The following GABRR1 variants were observed in gnomAD, a reference collection of about 807,000 sequenced individuals.
GABRR1 encodes gamma-aminobutyric acid type A receptor subunit rho1, also known as gamma-aminobutyric acid receptor subunit rho-1.
In GABRR1, 59 loss-of-function variants were observed where a neutral mutation model predicts 55.5. That is an observed-to-expected ratio of 1.06 (90% confidence interval 0.86 to 1.32). The LOEUF (loss-of-function observed/expected upper bound fraction) is 1.32, where lower values mean the gene tolerates loss of function less well. GABRR1 is among the 40% of genes most tolerant of loss of function. GABRR1 has a pLI of 0.00. For synonymous variants in GABRR1, 213 were observed against 226.0 expected (o/e 0.94, Z 0.51); for missense variants, 602 against 619.1 (o/e 0.97, Z 0.29).
intron 6 of GABRR1, among the ~76,000 whole-genome samples, chr6:89,187,337 A>G (rs1193489465): frequency 6.6e-6 from 1 of 152,166 alleles, no homozygotes. Flanking sequence ...GATGCATGAT[A>G]AATATAATTA....
In GABRR1 at chr6:89,217,243, T is replaced by C. The variant is rs1186902; in HGVS notation, c.80A>G (p.His27Arg). The C allele has an allele frequency of 0.26, 416,112 of 1,613,658 alleles. 55,646 individuals carry two copies. The highest frequency in any genetic ancestry group is 0.36 in the Admixed American group (21,524 of 59,980). ...CTCGTGGACTTCTCTTCCGGGCCAGTGCATTCTGCTTTCAGTGGCCAAAAC... is the reference window on the plus strand; with the variant it reads ...CTCGTGGACTTCTCTTCCGGGCCAGCGCATTCTGCTTTCAGTGGCCAAAAC... ...GWVLATESRM[H>R]WPGREVHEMS... Residue 27 changes from histidine to arginine, a missense_variant, in exon 1 of 10, where the codon CAC (histidine) becomes CGC (arginine). Coordinates refer to ENST00000454853, the MANE Select transcript of GABRR1 (RefSeq NM_002042.5).
intron 6 of GABRR1, among the ~76,000 whole-genome samples, chr6:89,188,231 C>T (rs1009763272): frequency 3.3e-5 from 5 of 152,034 alleles, no homozygotes; most frequent in Non-Finnish European, 5.9e-5. Flanking sequence ...GCTATGTTGC[C>T]CAGACTGGTC....
intron 1 of GABRR1, among the ~76,000 whole-genome samples, chr6:89,215,685 C>CA (rs1406610431): frequency 4.6e-5 from 7 of 151,916 alleles, no homozygotes; most frequent in Non-Finnish European, 5.9e-5. Context: ...GTTCTCACCA[C>CA]AAAAAAACAG....
At chr6:89,215,509 T>C (rs912130659) in intron 1 of GABRR1, among the ~76,000 whole-genome samples, 1 of 152,136 alleles carries the variant, frequency 6.6e-6, no homozygotes, top group African/African-American at 2.4e-5. Context: ...GACAGCAGAA[T>C]GATGGTTACC....
At position 89,212,165 on chromosome 6, in the gene GABRR1, ACAATCCAAAGAC is replaced by A; in HGVS notation, c.122+5024_122+5035del. The A allele has an allele frequency of 4.6e-6, 3 of 652,510 alleles. 1 individual carries two copies. The highest frequency in any genetic ancestry group is 5.5e-6 in the Non-Finnish European group (3 of 547,120). The allele number at this position is 652,510 out of a possible 1,614,324, so 40.4% of individuals were successfully genotyped here. A position where few individuals can be genotyped will look rare whatever the true frequency, so the allele number is the denominator to read the frequency against. ...CTGGCATCACCATCTACTCAGTCGT[ACAATCCAAAGAC>A]CTGCCGAACATTCACCCTAAACTTC... On this transcript the variant is annotated intron_variant, in intron 1 of 9. Coordinates refer to ENST00000454853, the MANE Select transcript of GABRR1 (RefSeq NM_002042.5).
intron 1 of GABRR1, among the ~76,000 whole-genome samples, chr6:89,211,242 G>A (rs1203646045): frequency 6.6e-6 from 1 of 152,172 alleles, no homozygotes; most frequent in African/African-American, 2.4e-5. Flanking sequence ...CAGAGATCCA[G>A]TCCATAATCC....
rs549063825 is a variant in GABRR1, at chr6:89,178,934, G to T, written c.1276C>A (p.Gln426Lys). Residue 426 changes from glutamine (Q) to lysine (K), a missense_variant, in exon 10 of 10, where the codon CAG (glutamine) becomes AAG (lysine). Coordinates refer to ENST00000454853, the MANE Select transcript of GABRR1 (RefSeq NM_002042.5). ...CTCCTCTCTGAGGCCAGGGTCAGCTGCACCATCATCCTGTCGGGCTTCTCT... is the reference window on the plus strand; with the variant it reads ...CTCCTCTCTGAGGCCAGGGTCAGCTTCACCATCATCCTGTCGGGCTTCTCT... ...NGEKPDRMMV[Q>K]LTLASERSSP... The T allele has an allele frequency of 3.1e-6, 5 of 1,614,180 alleles. No homozygotes were observed. The highest frequency in any genetic ancestry group is 4.2e-6 in the Non-Finnish European group (5 of 1,180,014).
chr6:89,210,498 G>A (rs968329308), intron 1 of GABRR1, among the ~76,000 whole-genome samples: 3 of 152,022 alleles, frequency 2.0e-5, no homozygotes, highest in Non-Finnish European at 4.4e-5. Flanking sequence ...CCAGTCTTCT[G>A]CAAAATTTTT....
At chr6:89,182,534 C>T (rs1023489450) in intron 7 of GABRR1, among the ~76,000 whole-genome samples, 1 of 152,158 alleles carries the variant, frequency 6.6e-6, no homozygotes, top group African/African-American at 2.4e-5. Context: ...AAGTGATCCA[C>T]CCACTTCAGC....
chr6:89,185,381 C>T lies in GABRR1; in HGVS notation c.725G>A (p.Arg242Gln), dbSNP rs370866905. 136 of 1,613,628 alleles carry T rather than the reference C, an allele frequency of 8.4e-5. No individual in the cohort carries two copies. Among genetic ancestry groups the T allele is most frequent in the Non-Finnish European group, 1.0e-4 (121 of 1,179,758 alleles). The change falls in exon 7 of 10, where the codon CGG becomes CAG. Residue 242 changes from arginine (R) to glutamine (Q), a missense_variant. Arg to Gln is a conservative substitution (Grantham distance 43, BLOSUM62 1). Transcript: ENST00000454853. ...AATGAGGAACTGGGAGAGTGAGATC[C>T]GTTCATCTGTCTTTAAGGAGTCATT... ...KGNDSLKTDERISLSQFLIQE... is the reference protein window; with the variant it reads ...KGNDSLKTDEQISLSQFLIQE...
In GABRR1 at chr6:89,180,409, G is replaced by C; in HGVS notation, c.1029C>G (p.Ala343=). The C allele has an allele frequency of 4.3e-6, 7 of 1,613,922 alleles. No individual in the cohort carries two copies. The highest frequency in any genetic ancestry group is 5.9e-6 in the Non-Finnish European group (7 of 1,179,876). The change falls in exon 9 of 10, where the codon GCC becomes GCG. Residue 343 remains alanine (A), a synonymous_variant. Transcript: ENST00000454853. ...AGCTGACCCAGAGGTAGATGTCCAC[G>C]GCCTTGATGTAGGAGACGCGCGGCA... ...ASMPRVSYIK[A]VDIYLWVSFV... is the part of the protein sequence containing the mutation.
intron 6 of GABRR1, among the ~76,000 whole-genome samples, chr6:89,187,440 G>A (rs993899336): frequency 3.9e-5 from 6 of 152,126 alleles, no homozygotes; most frequent in Admixed American, 1.3e-4. Context: ...TTCGTGGGTT[G>A]CATTTACTCT....
intron 1 of GABRR1, among the ~76,000 whole-genome samples, chr6:89,211,219 C>T (rs924501910): frequency 2.0e-4 from 30 of 152,094 alleles, no homozygotes; most frequent in Admixed American, 6.5e-5. Context: ...AATTTCAAGG[C>T]GTTGAGGGTG....
At chr6:89,230,579 G>C (rs893464400) in intron 1 of GABRR1, among the ~76,000 whole-genome samples, 11 of 152,186 alleles carry the variant, frequency 7.2e-5, no homozygotes, top group Non-Finnish European at 1.6e-4. Context: ...CTGCTCGGGG[G>C]TCAGGGGTCA....
rs753894820 is a variant in GABRR1 at position 89,178,892 on chromosome 6, T to G, written c.1318A>C (p.Ser440Arg). ...ATGCTCACATAGCTGCTTCTCTGAC[T>G]TTTCCTCTGTGGGGAGCTCCTCTCT... is the stretch of plus-strand genomic sequence containing the variant. Reference protein sequence around the residue: ...ASERSSPQRKSQRSSYVSMRI... With the variant: ...ASERSSPQRKRQRSSYVSMRI... Residue 440 changes from serine to arginine, a missense_variant, in exon 10 of 10, where the codon AGT becomes CGT. By Grantham distance (110) the Ser-to-Arg change is moderately radical. Coordinates refer to ENST00000454853, the MANE Select transcript of GABRR1 (RefSeq NM_002042.5). The G allele has an allele frequency of 2.2e-5, 36 of 1,614,070 alleles. No homozygotes were observed. Among genetic ancestry groups the G allele is most frequent in the Non-Finnish European group, 2.9e-5 (34 of 1,180,040 alleles).
At chr6:89,208,024 A>G (rs991372705) in intron 1 of GABRR1, among the ~76,000 whole-genome samples, 1 of 152,188 alleles carries the variant, frequency 6.6e-6, no homozygotes, top group African/African-American at 2.4e-5. Context: ...AAACCTTTCA[A>G]GTCCATTCCA....
At chr6:89,218,254 C>CCATA (rs2127810031), upstream of GABRR1, among the ~76,000 whole-genome samples, 1 of 152,104 alleles carries the variant, frequency 6.6e-6, no homozygotes, top group African/African-American at 2.4e-5. Flanking sequence ...GTCAGGATTC[C>CCATA]CATAACTCTA....
At chr6:89,196,851 G>GAAAGAAAGAAATAAAGAAA (rs1554190860) in intron 5 of GABRR1, among the ~76,000 whole-genome samples, 1 of 132,720 alleles carries the variant, frequency 7.5e-6, no homozygotes, top group African/African-American at 2.9e-5. Context: ...AAGAAAGAAA[G>GAAAGAAAGAAATAAAGAAA]AAAGAAAGAA....
In GABRR1 at chr6:89,184,988, G is replaced by A. The variant is rs114097125; in HGVS notation, c.796+322C>T. On this transcript the variant is annotated intron_variant, in intron 7 of 9. Transcript: ENST00000454853. ...GTAACCTCCGACTCCAGGGCTCAAG[G>A]GATCTCCCACCTCAGCCTTCCAGAT... 5.3e-3 allele frequency among the ~76,000 whole-genome samples: 803 copies of A among 151,100 alleles called. 4 individuals carry two copies. The highest frequency in any genetic ancestry group is 0.019 in the African/African-American group (777 of 41,114).
Sources: gnomAD v4.1 joint callset for allele counts (sites outside exome capture counted in the v4.1 genomes callset) on GRCh38, gnomAD v4.1.1 for gene constraint, MANE v1.5 for transcripts, NCBI Gene and HGNC (gene_info 2026-07-23, HGNC 2026-07-21) for gene names.